The following YAF2 variants were observed in gnomAD, a reference collection of about 807,000 sequenced individuals.
The protein encoded by YAF2 is YY1 associated factor 2, also known as YY1-associated factor 2.
In YAF2, 7 loss-of-function variants were observed where a neutral mutation model predicts 20.1. The observed-to-expected ratio is 0.35, with a 90% CI of 0.20 to 0.65. The LOEUF (loss-of-function observed/expected upper bound fraction) is 0.65, where lower values mean the gene tolerates loss of function less well. YAF2 is among the 30% of genes least tolerant of loss of function. The probability of loss-of-function intolerance (pLI) is 0.69; values close to 1 mark genes in which losing one functional copy is unlikely to be tolerated. For missense variants in YAF2, 151 were observed against 219.2 expected (o/e 0.69, Z 1.96); for synonymous variants, 74 against 76.0 (o/e 0.97, Z 0.14).
intron 2 of YAF2, among the ~76,000 whole-genome samples, chr12:42,174,777 A>T (rs1202101099): frequency 6.6e-6 from 1 of 152,226 alleles, no homozygotes. Flanking sequence ...ATGGCATTTT[A>T]AAAATATGAC....
intron 2 of YAF2, among the ~76,000 whole-genome samples, chr12:42,196,227 G>GAAA (rs34267272): frequency 5.2e-4 from 39 of 74,424 alleles, no homozygotes; most frequent in South Asian, 3.3e-3. Context: ...AATCCATCTG[G>GAAA]AAAAAAAAAA....
At chr12:42,178,749 T>G (rs940018380) in intron 2 of YAF2, among the ~76,000 whole-genome samples, 1 of 152,190 alleles carries the variant, frequency 6.6e-6, no homozygotes, top group Non-Finnish European at 1.5e-5. Flanking sequence ...TGAAGAAAAT[T>G]TGCTTATAAA....
intron 2 of YAF2, among the ~76,000 whole-genome samples, chr12:42,185,676 G>A (rs1034979669): frequency 2.0e-5 from 3 of 152,196 alleles, no homozygotes; most frequent in Admixed American, 2.0e-4. Flanking sequence ...TGAAAGCTCA[G>A]ATGGTCATTT....
At chr12:42,208,060 T>A (rs966694336) in intron 2 of YAF2, among the ~76,000 whole-genome samples, 1 of 152,220 alleles carries the variant, frequency 6.6e-6, no homozygotes, top group Admixed American at 6.5e-5. Context: ...AAGAGTTGCA[T>A]ATTTTTATTA....
chr12:42,211,400 C>T (rs1482683190), intron 2 of YAF2, among the ~76,000 whole-genome samples: 2 of 131,224 alleles, frequency 1.5e-5, no homozygotes, highest in Non-Finnish European at 3.1e-5. Context: ...GAACTCCAGC[C>T]TGGATGACAG....
At chr12:42,180,048 A>G (rs141827212) in intron 2 of YAF2, among the ~76,000 whole-genome samples, 6 of 152,132 alleles carry the variant, frequency 3.9e-5, no homozygotes, top group African/African-American at 1.2e-4. Flanking sequence ...AGTTTCTTTC[A>G]TTTGTTTCAT....
intron 2 of YAF2, chr12:42,233,679 T>A (rs1237886420): frequency 1.3e-6 from 1 of 760,868 alleles, no homozygotes. Flanking sequence ...ACCCAGCTAA[T>A]TTTTTTAATT....
At chr12:42,209,376 C>G (rs1211878451) in intron 2 of YAF2, among the ~76,000 whole-genome samples, 1 of 151,610 alleles carries the variant, frequency 6.6e-6, no homozygotes, top group South Asian at 2.1e-4. Context: ...TCAGCCTGGG[C>G]AACATGGCAA....
chr12:42,196,974 A>G (rs1177147092), intron 2 of YAF2, among the ~76,000 whole-genome samples: 3 of 152,232 alleles, frequency 2.0e-5, no homozygotes, highest in Non-Finnish European at 4.4e-5. Flanking sequence ...GAGGGTATCA[A>G]GTAACCACCA....
chr12:42,207,727 C>G (rs1380707149), intron 2 of YAF2, among the ~76,000 whole-genome samples: 2 of 151,998 alleles, frequency 1.3e-5, no homozygotes, highest in Non-Finnish European at 2.9e-5. Context: ...CCCGTCTCTA[C>G]TAAAAATACA....
At chr12:42,210,690 TAAG>T (rs2067183284) in intron 2 of YAF2, 4 of 1,529,482 alleles carry the variant, frequency 2.6e-6, no homozygotes, top group East Asian at 2.4e-5. Flanking sequence ...TCTATCAGAA[TAAG>T]AAGATTATTT....
chr12:42,232,117 A>G (rs1384122000), intron 2 of YAF2: 1 of 152,278 alleles, frequency 6.6e-6, no homozygotes, highest in Non-Finnish European at 1.5e-5. Context: ...TATGAGATGT[A>G]ATAAAATTAG....
At chr12:42,237,266 TA>T (rs1160446291) in intron 2 of YAF2, 3 of 382,652 alleles carry the variant, frequency 7.8e-6, no homozygotes, top group African/African-American at 4.3e-5. Context: ...CCCCACACAC[TA>T]ACACAACAAT....
chr12:42,189,726 TTAG>T (rs1250945876), intron 2 of YAF2, among the ~76,000 whole-genome samples: 4 of 152,146 alleles, frequency 2.6e-5, no homozygotes, highest in Admixed American at 2.6e-4. Flanking sequence ...ACATTTCTGA[TTAG>T]TATTAATTAG....
chr12:42,223,828 G>C (rs2067597357), intron 2 of YAF2, among the ~76,000 whole-genome samples: 1 of 126,400 alleles, frequency 7.9e-6, no homozygotes, highest in East Asian at 2.6e-4. Context: ...TGAACAATGA[G>C]AACACATGGA....
chr12:42,234,949 C>G, intron 2 of YAF2: 1 of 973,256 alleles, frequency 1.0e-6, no homozygotes, highest in Non-Finnish European at 1.2e-6. Flanking sequence ...GATGATGCCA[C>G]TGCAACCCAG....
rs796230181 is a variant in YAF2, at chr12:42,159,127, G to A, written c.*1462C>T. 1.3e-5 allele frequency: 2 copies of A among 152,230 alleles called. No homozygotes were observed. Among genetic ancestry groups the A allele is most frequent in the African/African-American group, 4.8e-5 (2 of 41,558 alleles). The allele number at this position is 152,230 out of a possible 1,614,324, so 9.4% of individuals were successfully genotyped here. On this transcript the variant is annotated 3_prime_UTR_variant, in exon 4 of 4. Coordinates refer to ENST00000534854, the MANE Select transcript of YAF2 (RefSeq NM_005748.6). ...CTTACAAAAAAGACAGTACCACTGT[G>A]CCTGTAAAAAGTACTGTAATTAAAC...
In YAF2 at chr12:42,158,083, C is replaced by G. The variant is rs963208011; in HGVS notation, c.*2506G>C. On this transcript the variant is annotated 3_prime_UTR_variant, in exon 4 of 4. Coordinates refer to ENST00000534854, the MANE Select transcript of YAF2 (RefSeq NM_005748.6). ...CTAAACCTAGGTTCTGAATCTTTCG[C>G]ATATTTTAACGTCAGTTCTGTTTAT... The G allele has an allele frequency of 8.5e-5, 13 of 152,190 alleles. No individual in the cohort carries two copies. The highest frequency in any genetic ancestry group is 2.7e-4 in the African/African-American group (11 of 41,446). 9.4% of individuals were successfully genotyped at this position (152,190 alleles called of 1,614,324 possible).
intron 2 of YAF2, among the ~76,000 whole-genome samples, chr12:42,169,476 C>A (rs1193368332): frequency 6.6e-6 from 1 of 151,986 alleles, no homozygotes; most frequent in East Asian, 1.9e-4. Context: ...TGCATTGGCA[C>A]AATCTCAGCT....
Sources: allele counts gnomAD v4.1 joint callset (sites outside exome capture counted in the v4.1 genomes callset), GRCh38; gene constraint gnomAD v4.1.1; transcripts MANE v1.5; gene names NCBI Gene and HGNC (gene_info 2026-07-23, HGNC 2026-07-21).